EIF5B: variants seen among roughly 807,000 people sequenced by gnomAD.
EIF5B encodes eukaryotic translation initiation factor 5B.
In EIF5B, 47 loss-of-function variants were observed where a neutral mutation model predicts 147.5. The ratio of observed to expected loss-of-function variants is 0.32; its 90% confidence interval spans 0.25 to 0.41. EIF5B has a LOEUF of 0.41. Among genes scored for constraint, EIF5B ranks in the 10% least tolerant of loss-of-function variants. The pLI is 1.00. For synonymous variants in EIF5B, 455 were observed against 456.2 expected, an observed-to-expected ratio of 1.00 and a Z score of 0.03; for missense variants, 1,064 against 1,413.2, an observed-to-expected ratio of 0.75 and a Z score of 3.96.
chr2:99,340,065 T>C (rs1037273671), intron 1 of EIF5B, among the ~76,000 whole-genome samples: 3 of 152,168 alleles, frequency 2.0e-5, no homozygotes. Context: ...AAATGCCTCA[T>C]GGACTCCTTT....
intron 1 of EIF5B, among the ~76,000 whole-genome samples, chr2:99,353,364 G>T (rs1674020453): frequency 6.6e-6 from 1 of 151,568 alleles, no homozygotes; most frequent in South Asian, 2.1e-4. Flanking sequence ...TCGCCATGTT[G>T]CCCAGTATGA....
At position 99,337,481 on chromosome 2, in the gene EIF5B, A is replaced by C; in HGVS notation, c.-74A>C. 6.4e-7 allele frequency: 1 copy of C among 1,572,032 alleles called. No individual in the cohort carries two copies. The highest frequency in any genetic ancestry group is 8.6e-7 in the Non-Finnish European group (1 of 1,157,366). On this transcript the variant is annotated 5_prime_UTR_variant, in exon 1 of 24. Transcript: ENST00000289371. ...GGGGAAAAGAGCTGAGCGGAGACCA[A>C]AGTCAGCCGGGAGACAGTGGGTCTG...
At position 99,370,869 on chromosome 2, in the gene EIF5B, A is replaced by T. The variant is rs568368955; in HGVS notation, c.1478-787A>T. Among the ~76,000 whole-genome samples, 26 of 152,306 alleles carry T rather than the reference A, an allele frequency of 1.7e-4. No individual in the cohort carries two copies. The South Asian group carries it at 5.4e-3, about 32-fold the overall frequency. ...TTTTGGGGTTATGAGCACAGCATTG[A>T]CCCAGAGTGATGGTGGTAGTTTTGT... On this transcript the variant is annotated intron_variant, in intron 8 of 23. Transcript: ENST00000289371.
At chr2:99,369,975 A>G (rs1674411519) in intron 8 of EIF5B, among the ~76,000 whole-genome samples, 1 of 152,124 alleles carries the variant, frequency 6.6e-6, no homozygotes, top group Non-Finnish European at 1.5e-5. Context: ...CAACAGAGCA[A>G]CAGTCCATCT....
chr2:99,342,665 T>G (rs2094262642), intron 1 of EIF5B, among the ~76,000 whole-genome samples: 2 of 152,070 alleles, frequency 1.3e-5, no homozygotes, highest in South Asian at 4.2e-4. Flanking sequence ...GGAATCTCAC[T>G]CTGTCACCCA....
intron 21 of EIF5B, 152 bp downstream of exon 21, chr2:99,395,035 C>T (rs747320564): frequency 1.6e-5 from 12 of 740,118 alleles, no homozygotes; most frequent in Admixed American, 3.1e-5. Context: ...AACCAGAAAC[C>T]CAACATACTG....
In EIF5B at chr2:99,399,349, G is replaced by A; in HGVS notation, c.3598G>A (p.Asp1200Asn). The change falls in exon 24 of 24, where the codon GAT becomes AAT. Residue 1200 changes from aspartate to asparagine, a missense_variant. This residue lies in a region of EIF5B where 380 missense variants were observed against 715.6 expected (regional missense o/e 0.53). Transcript: ENST00000289371. ...SIDALKDWFR[D>N]EMQKSDWQLI... ...TGATGCACTCAAAGACTGGTTCAGA[G>A]ATGAAATGCAGAAGAGTGACTGGCA... 3.7e-6 allele frequency: 6 copies of A among 1,614,148 alleles called. No homozygotes were observed. The highest frequency in any genetic ancestry group is 5.1e-6 in the Non-Finnish European group (6 of 1,180,032).
chr2:99,386,695 GGTT>G (rs1674816413), intron 14 of EIF5B, among the ~76,000 whole-genome samples: 1 of 149,606 alleles, frequency 6.7e-6, no homozygotes, highest in Non-Finnish European at 1.5e-5. Flanking sequence ...ACCCGGTTAG[GGTT>G]GTTTTTTTCT....
intron 12 of EIF5B, 70 bp downstream of exon 12, chr2:99,379,498 A>G (rs1053222736): frequency 1.2e-5 from 14 of 1,203,314 alleles, no homozygotes; most frequent in Non-Finnish European, 1.5e-5. Context: ...TCAAACATAG[A>G]AAAAGGACAG....
At chr2:99,366,432 C>T (rs756807067) in intron 6 of EIF5B, among the ~76,000 whole-genome samples, 44 of 152,150 alleles carry the variant, frequency 2.9e-4, no homozygotes, top group Non-Finnish European at 5.4e-4. Flanking sequence ...CTGGCTTTAT[C>T]CTCTTTCTTT....
At position 99,378,426 on chromosome 2, in the gene EIF5B, C is replaced by T. The variant is rs918090062; in HGVS notation, c.1843-593C>T. ...GTTGTGGTTCAAGGAAAAGCTTTCT[C>T]GCTCTTACTGGTGTTCATAAAGTGG... On this transcript the variant is annotated intron_variant, in intron 10 of 23. Transcript: ENST00000289371. Among the ~76,000 whole-genome samples the T allele has an allele frequency of 3.3e-5, 5 of 152,264 alleles. No homozygotes were observed. The South Asian group carries it at 8.3e-4, about 25-fold the overall frequency.
intron 1 of EIF5B, among the ~76,000 whole-genome samples, chr2:99,351,351 A>G (rs1033933721): frequency 6.6e-6 from 1 of 152,210 alleles, no homozygotes; most frequent in African/African-American, 2.4e-5. Flanking sequence ...TTTATATATT[A>G]TCTGGTAGAT....
chr2:99,380,201 A>G (rs1176535732), intron 12 of EIF5B, among the ~76,000 whole-genome samples: 1 of 152,046 alleles, frequency 6.6e-6, no homozygotes, highest in African/African-American at 2.4e-5. Flanking sequence ...AAAGTGGCCA[A>G]TATGATTTTT....
chr2:99,364,517 A>G, intron 6 of EIF5B, 96 bp downstream of exon 6: 4 of 1,201,380 alleles, frequency 3.3e-6, no homozygotes, highest in Non-Finnish European at 4.5e-6. Flanking sequence ...TTGCATCAGG[A>G]CAGTTCCTAT....
intron 9 of EIF5B, among the ~76,000 whole-genome samples, chr2:99,374,114 C>G (rs1419812434): frequency 6.6e-6 from 1 of 152,004 alleles, no homozygotes. Flanking sequence ...TGTGGCAAAA[C>G]CCCACCTCTA....
chr2:99,384,932 A>T (rs142878733), intron 14 of EIF5B, among the ~76,000 whole-genome samples: 5 of 152,346 alleles, frequency 3.3e-5, no homozygotes, highest in African/African-American at 1.2e-4. Context: ...AGAATTTAGG[A>T]TAGCAATCAA....
chr2:99,390,988 T>G (rs561249554), intron 17 of EIF5B, among the ~76,000 whole-genome samples: 1 of 152,290 alleles, frequency 6.6e-6, no homozygotes, highest in East Asian at 1.9e-4. Context: ...ACATGAGGGC[T>G]AGGGGCACTG....
intron 22 of EIF5B, chr2:99,398,321 C>T (rs1179665229): frequency 1.9e-5 from 3 of 154,670 alleles, no homozygotes; most frequent in African/African-American, 2.4e-5. Context: ...TCACATCACT[C>T]ATCTGCTCAC....
chr2:99,341,364 C>T (rs1426993962), intron 1 of EIF5B, among the ~76,000 whole-genome samples: 1 of 152,188 alleles, frequency 6.6e-6, no homozygotes, highest in Non-Finnish European at 1.5e-5. Context: ...GGAAGAAGTC[C>T]TAGTTTGCTA....
Sources: gnomAD v4.1 joint callset for allele counts (sites outside exome capture counted in the v4.1 genomes callset) on GRCh38, gnomAD v4.1.1 for gene constraint, gnomAD v4.1.1 regional missense constraint, MANE v1.5 for transcripts, NCBI Gene and HGNC (gene_info 2026-07-23, HGNC 2026-07-21) for gene names.